CNOT2: variants seen among roughly 807,000 people sequenced by gnomAD.
CNOT2 encodes CC chemokine receptor 4-negative regulator of transcription 2.
A neutral mutation model predicts 72.1 loss-of-function variants in CNOT2; 7 were observed. The ratio of observed to expected loss-of-function variants is 0.10; its 90% CI spans 0.06 to 0.18. The LOEUF is 0.18. Ranked by LOEUF, CNOT2 falls within the 10% of genes least tolerant of loss-of-function variation. The pLI, the probability that CNOT2 is intolerant of heterozygous loss-of-function variation, is 1.00. For synonymous variants in CNOT2, 196 were observed against 225.6 expected (o/e 0.87, Z 1.17); for missense variants, 345 against 660.3 (o/e 0.52, Z 5.23).
At chr12:70,254,998 A>G (rs1211962373) in intron 1 of CNOT2, among the ~76,000 whole-genome samples, 2 of 145,852 alleles carry the variant, frequency 1.4e-5, no homozygotes, top group South Asian at 2.2e-4. Context: ...AAAAAAAAAA[A>G]GAAGAAGAAG....
chr12:70,261,289 C>T (rs1256124155), intron 1 of CNOT2, among the ~76,000 whole-genome samples: 1 of 141,694 alleles, frequency 7.1e-6, no homozygotes, highest in Non-Finnish European at 1.5e-5. Flanking sequence ...GATCTTTGTG[C>T]CTATTTTCTT....
At chr12:70,293,267 T>C (rs919398339) in intron 2 of CNOT2, among the ~76,000 whole-genome samples, 3 of 152,000 alleles carry the variant, frequency 2.0e-5, no homozygotes, top group African/African-American at 7.3e-5. Flanking sequence ...TTCAAGAGAT[T>C]CTCCTGCCTC....
intron 1 of CNOT2, among the ~76,000 whole-genome samples, chr12:70,263,130 CA>C (rs756972310): frequency 1.3e-5 from 2 of 152,118 alleles, no homozygotes; most frequent in African/African-American, 2.4e-5. Flanking sequence ...TTGCTGCTTT[CA>C]AGAGTCTTTT....
intron 2 of CNOT2, among the ~76,000 whole-genome samples, chr12:70,292,018 A>C (rs1226209933): frequency 6.6e-6 from 1 of 152,178 alleles, no homozygotes; most frequent in Non-Finnish European, 1.5e-5. Context: ...AGTGGACAGA[A>C]ATGTAAGGGC....
At chr12:70,320,948 G>A (rs1483430562) in intron 4 of CNOT2, among the ~76,000 whole-genome samples, 1 of 151,786 alleles carries the variant, frequency 6.6e-6, no homozygotes, top group Non-Finnish European at 1.5e-5. Context: ...TGTTTAAAAT[G>A]CAGTTATATC....
chr12:70,258,582 C>A (rs755054306), intron 1 of CNOT2, among the ~76,000 whole-genome samples: 1 of 152,104 alleles, frequency 6.6e-6, no homozygotes, highest in Non-Finnish European at 1.5e-5. Flanking sequence ...TAACTCCTAC[C>A]GTGTGCCCCA....
At chr12:70,288,513 G>T (rs1871311820) in intron 2 of CNOT2, among the ~76,000 whole-genome samples, 1 of 152,128 alleles carries the variant, frequency 6.6e-6, no homozygotes, top group Non-Finnish European at 1.5e-5. Flanking sequence ...CTCCTTTAGG[G>T]ATATAAGCTT....
rs914737405 is a variant in CNOT2 at position 70,354,914 on chromosome 12, G to A, written c.*999G>A. 29 of 152,522 alleles carry A rather than the reference G, an allele frequency of 1.9e-4. No homozygotes were observed. Among genetic ancestry groups the A allele is most frequent in the African/African-American group, 7.0e-4 (29 of 41,430 alleles). 9.4% of individuals were successfully genotyped at this position (152,522 alleles called of 1,614,324 possible). A position where few individuals can be genotyped will look rare whatever the true frequency, so the allele number is the denominator to read the frequency against. On this transcript the variant is annotated 3_prime_UTR_variant, in exon 16 of 16. Coordinates refer to ENST00000229195, the MANE Select transcript of CNOT2 (RefSeq NM_014515.7). ...TTTGAACAGCAGCGTTTCATAGGAA[G>A]AGAAAAAAAGATCAATCTTGTATTT...
chr12:70,345,102 C>G (rs1005936192), intron 14 of CNOT2: 1 of 152,144 alleles, frequency 6.6e-6, no homozygotes, highest in Non-Finnish European at 1.5e-5. Context: ...TGTCGTTACT[C>G]AAATGTACAG....
intron 15 of CNOT2, among the ~76,000 whole-genome samples, chr12:70,349,163 ACGG>A (rs1353878752): frequency 6.6e-6 from 1 of 152,106 alleles, no homozygotes; most frequent in East Asian, 1.9e-4. Context: ...CAGTATATTA[ACGG>A]GATAAATTTT....
intron 2 of CNOT2, among the ~76,000 whole-genome samples, chr12:70,305,873 G>GTTTT (rs11412509): frequency 0.043 from 2,594 of 59,970 alleles, 114 homozygotes; most frequent in Middle Eastern, 0.079. Context: ...TCTGAAGTTT[G>GTTTT]TTTTTTTTTT....
intron 2 of CNOT2, among the ~76,000 whole-genome samples, chr12:70,298,992 T>G (rs1873325478): frequency 6.6e-6 from 1 of 152,154 alleles, no homozygotes; most frequent in Non-Finnish European, 1.5e-5. Flanking sequence ...TTGGAGTGGC[T>G]TGTTCTAGTG....
chr12:70,254,667 G>T (rs1230452712), intron 1 of CNOT2, among the ~76,000 whole-genome samples: 1 of 152,090 alleles, frequency 6.6e-6, no homozygotes, highest in Non-Finnish European at 1.5e-5. Flanking sequence ...TGCCCTTTAT[G>T]CATTTTTATT....
chr12:70,302,390 T>A (rs1320097261), intron 2 of CNOT2, among the ~76,000 whole-genome samples: 1 of 151,546 alleles, frequency 6.6e-6, no homozygotes, highest in African/African-American at 2.4e-5. Context: ...GCTTTGAATG[T>A]GTCCCAGAGA....
intron 2 of CNOT2, among the ~76,000 whole-genome samples, chr12:70,305,979 T>G (rs967910866): frequency 7.0e-6 from 1 of 142,614 alleles, no homozygotes; most frequent in Non-Finnish European, 1.5e-5. Flanking sequence ...GCCTTAGGAA[T>G]TCATAGCTAG....
chr12:70,329,762 C>T (rs1387730893), intron 5 of CNOT2, 192 bp downstream of exon 5: 2 of 533,516 alleles, frequency 3.7e-6, no homozygotes, highest in East Asian at 6.0e-5. Context: ...TATACTGCAG[C>T]TCGCATACTG....
At chr12:70,341,946 A>T (rs1303045577) in intron 11 of CNOT2, 161 bp from the exon 12 acceptor site, 15 of 638,006 alleles carry the variant, frequency 2.4e-5, no homozygotes, top group Non-Finnish European at 3.7e-5. Flanking sequence ...ACACACAAAC[A>T]CACACAGTCT....
At chr12:70,256,810 G>A (rs779340177) in intron 1 of CNOT2, among the ~76,000 whole-genome samples, 1 of 152,012 alleles carries the variant, frequency 6.6e-6, no homozygotes, top group African/African-American at 2.4e-5. Context: ...TGAAAATGCA[G>A]GAGAGTTGTA....
At chr12:70,335,777 T>C in intron 8 of CNOT2, 1 of 365,142 alleles carries the variant, frequency 2.7e-6, no homozygotes, top group Non-Finnish European at 5.0e-6. Flanking sequence ...GAAAACTTTG[T>C]ACAAAAACCC....
Sources: gnomAD v4.1 joint callset for allele counts (sites outside exome capture counted in the v4.1 genomes callset) on GRCh38, gnomAD v4.1.1 for gene constraint, MANE v1.5 for transcripts, NCBI Gene and HGNC (gene_info 2026-07-23, HGNC 2026-07-21) for gene names.